The following LYG1 variants were observed in gnomAD, a reference collection of about 807,000 sequenced individuals.
The protein encoded by LYG1 is lysozyme g-like protein 1.
Under a neutral mutation model 21.7 loss-of-function variants are expected in LYG1, and 17 were observed. That is an observed-to-expected ratio of 0.78 (90% CI 0.54 to 1.18). LYG1 has a LOEUF of 1.18. Among genes scored for constraint, LYG1 ranks in the 50% most tolerant of loss-of-function variants. LYG1 has a pLI of 0.00. For synonymous variants in LYG1, 81 were observed against 87.4 expected (o/e 0.93, Z 0.41); for missense variants, 211 against 238.1 (o/e 0.89, Z 0.75).
Position 99,292,612 on chromosome 2 carries a change from G to A in LYG1, c.72C>T (p.Cys24=). The change falls in exon 4 of 7, where the codon TGC becomes TGT. Residue 24 remains cysteine (C), a synonymous_variant. Coordinates refer to ENST00000308528, the MANE Select transcript of LYG1 (RefSeq NM_174898.3). ...MDLSESSNWG[C]YGNIQSLDTP... ...TGTCCAGGCTTTGGATGTTTCCATA[G>A]CATCCCCAGTTGCTGCTTTCAGACA... 6.2e-7 allele frequency: 1 copy of A among 1,614,128 alleles called. No homozygotes were observed. The highest frequency in any genetic ancestry group is 8.5e-7 in the Non-Finnish European group (1 of 1,179,968).
At chr2:99,300,579 T>G (rs796379148) in intron 1 of LYG1, among the ~76,000 whole-genome samples, 3 of 152,114 alleles carry the variant, frequency 2.0e-5, no homozygotes, top group Non-Finnish European at 4.4e-5. Flanking sequence ...GAAAATAAGA[T>G]TGTTATAGAA....
chr2:99,284,843 G>C (rs1291744728), intron 5 of LYG1, 23 bp from the exon 6 acceptor site: 2 of 1,610,900 alleles, frequency 1.2e-6, no homozygotes, highest in South Asian at 1.1e-5. Flanking sequence ...AGGCAGAGAA[G>C]AAGCCACGTA....
chr2:99,302,018 G>T (rs2094156022), upstream of LYG1, among the ~76,000 whole-genome samples: 1 of 152,178 alleles, frequency 6.6e-6, no homozygotes, highest in South Asian at 2.1e-4. Context: ...ACCACACCCT[G>T]TGCCCCAGCT....
At chr2:99,298,006 C>T (rs932049558) in intron 2 of LYG1, among the ~76,000 whole-genome samples, 1 of 152,224 alleles carries the variant, frequency 6.6e-6, no homozygotes, top group Admixed American at 6.5e-5. Context: ...CAAGCCACCA[C>T]ACCTAGCTTG....
intron 5 of LYG1, among the ~76,000 whole-genome samples, chr2:99,290,149 C>T (rs11685870): frequency 0.37 from 56,247 of 152,038 alleles, 11,191 homozygotes; most frequent in East Asian, 0.63. Context: ...TGAGCCACTG[C>T]GCCTGACCCA....
intron 1 of LYG1, among the ~76,000 whole-genome samples, chr2:99,299,951 CA>C (rs2094149511): frequency 6.6e-6 from 1 of 151,994 alleles, no homozygotes; most frequent in African/African-American, 2.4e-5. Flanking sequence ...CACACACACA[CA>C]TGCACGTACA....
At chr2:99,295,543 AT>A in intron 3 of LYG1, 84 bp downstream of exon 3, 1 of 1,484,508 alleles carries the variant, frequency 6.7e-7, no homozygotes, top group Non-Finnish European at 9.4e-7. Context: ...TTTTTGTTGC[AT>A]TTTCAAGTAT....
At chr2:99,292,731 A>G (rs2094123814) in intron 3 of LYG1, 91 bp from the exon 4 acceptor site, 5 of 804,506 alleles carry the variant, frequency 6.2e-6, no homozygotes, top group Middle Eastern at 2.3e-4. Context: ...AAAAGTAACA[A>G]TAATAAAATC....
upstream of LYG1, among the ~76,000 whole-genome samples, chr2:99,303,331 C>A (rs956004317): frequency 6.6e-6 from 1 of 152,088 alleles, no homozygotes; most frequent in Non-Finnish European, 1.5e-5. Context: ...TCTGGGGATG[C>A]CCAGCTCCAC....
chr2:99,302,417 T>C (rs992805187), upstream of LYG1, among the ~76,000 whole-genome samples: 1 of 152,224 alleles, frequency 6.6e-6, no homozygotes, highest in Non-Finnish European at 1.5e-5. Context: ...AGTCAATGAC[T>C]GAAGAATTCC....
rs1435006115 is a variant in LYG1 at position 99,288,428 on chromosome 2, TGTG to T, written c.333+2806_333+2808del. ...GGGCTTTTAATCTCGTTCATACATC[TGTG>T]TCTTTAAACCAGTAGGTTTCCTATA... On this transcript the variant is annotated intron_variant, in intron 5 of 6. Coordinates refer to ENST00000308528, the MANE Select transcript of LYG1 (RefSeq NM_174898.3). Among the ~76,000 whole-genome samples, 25 of 152,308 alleles carry T rather than the reference TGTG, an allele frequency of 1.6e-4. 1 individual carries two copies. In the South Asian group the frequency reaches 5.0e-3, roughly 30 times the overall value.
At chr2:99,301,503 A>AGGAG (rs1559226149), upstream of LYG1, among the ~76,000 whole-genome samples, 1 of 98,510 alleles carries the variant, frequency 1.0e-5, no homozygotes. Context: ...GGAAGAAGGA[A>AGGAG]GGAAGGAAGG....
At chr2:99,301,406 AGAGAGAGAGAGTGAGAAG>A (rs1484035592), upstream of LYG1, among the ~76,000 whole-genome samples, 100 of 149,276 alleles carry the variant, frequency 6.7e-4, no homozygotes, top group Non-Finnish European at 1.2e-3. Context: ...AGAGAGAGAA[AGAGAGAGAGAGTGAGAAG>A]GAGAGAGAGA....
At chr2:99,301,970 G>T (rs144054958), upstream of LYG1, among the ~76,000 whole-genome samples, 1 of 152,148 alleles carries the variant, frequency 6.6e-6, no homozygotes, top group Non-Finnish European at 1.5e-5. Flanking sequence ...TTGTGGAAAG[G>T]GTGCATTTCA....
At chr2:99,285,374 C>G (rs1373658327) in intron 5 of LYG1, among the ~76,000 whole-genome samples, 2 of 150,004 alleles carry the variant, frequency 1.3e-5, no homozygotes, top group Admixed American at 1.3e-4. Flanking sequence ...GAGTGAGACC[C>G]TGTCTTAAAA....
intron 1 of LYG1, among the ~76,000 whole-genome samples, chr2:99,298,766 A>G (rs2094144925): frequency 6.6e-6 from 1 of 152,018 alleles, no homozygotes; most frequent in Admixed American, 6.6e-5. Flanking sequence ...GAGAACTGAG[A>G]ACTCCTGTAT....
chr2:99,291,894 A>G (rs2094119647), intron 4 of LYG1, among the ~76,000 whole-genome samples: 1 of 152,224 alleles, frequency 6.6e-6, no homozygotes, highest in South Asian at 2.1e-4. Flanking sequence ...CAAATCATGC[A>G]AGTTTAAACC....
upstream of LYG1, among the ~76,000 whole-genome samples, chr2:99,303,016 G>GAAAA (rs60429754): frequency 1.5e-5 from 2 of 136,376 alleles, no homozygotes; most frequent in Admixed American, 7.4e-5. Context: ...GCCTCCATCT[G>GAAAA]AAAAAAAAAA....
In LYG1 at chr2:99,287,784, T is replaced by C. The variant is rs190229953; in HGVS notation, c.334-2964A>G. On this transcript the variant is annotated intron_variant, in intron 5 of 6. Coordinates refer to ENST00000308528, the MANE Select transcript of LYG1 (RefSeq NM_174898.3). ...TAATTTTTAAAATTATCTTCTAGCA[T>C]AATTGTATTATTGTGATATCTGAAA... Among the ~76,000 whole-genome samples, 6 of 152,342 alleles carry C rather than the reference T, an allele frequency of 3.9e-5. No individual in the cohort carries two copies. The East Asian group carries it at 9.6e-4, about 24-fold the overall frequency.
Sources: allele counts gnomAD v4.1 joint callset (sites outside exome capture counted in the v4.1 genomes callset), GRCh38; gene constraint gnomAD v4.1.1; transcripts MANE v1.5; gene names NCBI Gene and HGNC (gene_info 2026-07-23, HGNC 2026-07-21).